Variants in HTRA3 observed in about 807,000 individuals in gnomAD.
HTRA3 encodes the protein serine protease HTRA3.
HTRA3 carries 41 observed loss-of-function variants against 43.2 expected under a neutral mutation model. The observed-to-expected ratio is 0.95, with a 90% confidence interval of 0.74 to 1.23. The LOEUF is 1.23. HTRA3 is among the 50% of genes most tolerant of loss of function. The probability of loss-of-function intolerance (pLI) is 0.00; values close to 1 mark genes in which losing one functional copy is unlikely to be tolerated. For missense variants in HTRA3, 628 were observed against 647.1 expected (o/e 0.97, Z 0.32); for synonymous variants, 295 against 287.9 (o/e 1.02, Z -0.25).
At position 8,297,287 on chromosome 4, in the gene HTRA3, G is replaced by A. The variant is rs1373366949; in HGVS notation, c.1051+3086G>A. On this transcript the variant is annotated intron_variant, in intron 6 of 8. Transcript: ENST00000307358. The surrounding 1 kb of genome is among the most constrained non-coding windows in gnomAD (Gnocchi z 5.8). ...AAGTTCAAGGAGAAGAGGCTTCAGA[G>A]TCCCCTATCCTGAGCACAGTGAGTC... Among the ~76,000 whole-genome samples, 2 of 151,956 alleles carry A rather than the reference G, an allele frequency of 1.3e-5. No individual in the cohort carries two copies. The highest frequency in any genetic ancestry group is 2.9e-5 in the Non-Finnish European group (2 of 68,016).
intron 6 of HTRA3, among the ~76,000 whole-genome samples, chr4:8,299,996 T>C (rs568587789): frequency 3.7e-4 from 57 of 152,204 alleles, no homozygotes; most frequent in Non-Finnish European, 4.0e-4. Flanking sequence ...CCCACGATCA[T>C]GCCCAGCTAA....
At chr4:8,285,762 C>A (rs569481264) in intron 2 of HTRA3, among the ~76,000 whole-genome samples, 1 of 152,230 alleles carries the variant, frequency 6.6e-6, no homozygotes, top group Non-Finnish European at 1.5e-5. Context: ...AGCTCCACAC[C>A]GTTCACAGAG....
intron 1 of HTRA3, among the ~76,000 whole-genome samples, chr4:8,272,116 G>T (rs538133006): frequency 2.0e-5 from 3 of 152,334 alleles, no homozygotes; most frequent in Admixed American, 1.3e-4. Flanking sequence ...TCCCCACCGT[G>T]GAAGGCACTA....
intron 8 of HTRA3, among the ~76,000 whole-genome samples, chr4:8,305,639 T>C (rs549520081): frequency 1.1e-3 from 171 of 152,106 alleles, no homozygotes; most frequent in Non-Finnish European, 2.1e-3. Context: ...GCCTTTATAA[T>C]TTGCAAAGTG....
At chr4:8,292,208 G>C in intron 4 of HTRA3, 113 bp from the exon 5 acceptor site, 1 of 870,126 alleles carries the variant, frequency 1.1e-6, no homozygotes. Context: ...ATGCTGCTGA[G>C]GATGAGACCT....
chr4:8,280,814 G>C (rs1471522467), intron 1 of HTRA3, among the ~76,000 whole-genome samples: 7 of 152,206 alleles, frequency 4.6e-5, no homozygotes. Flanking sequence ...ACGAGGGCTG[G>C]TGTGGTTGGT....
In HTRA3 at chr4:8,296,835, C is replaced by T. The variant is rs1578805429; in HGVS notation, c.1051+2634C>T. Among the ~76,000 whole-genome samples the T allele has an allele frequency of 6.6e-6, 1 of 152,246 alleles. No individual in the cohort carries two copies. Among genetic ancestry groups the T allele is most frequent in the East Asian group, 1.9e-4 (1 of 5,156 alleles). ...CTGTGGCCCACAAGCCAAGGGAGAG[C>T]TGTAGGGAGGGGAGGGGACAGGGAC... is the stretch of plus-strand genomic sequence containing the variant. On this transcript the variant is annotated intron_variant, in intron 6 of 8. Coordinates refer to ENST00000307358, the MANE Select transcript of HTRA3 (RefSeq NM_053044.5). This position sits in a 1 kb window ranked among gnomAD's most constrained non-coding sequence, Gnocchi z 5.3.
intron 7 of HTRA3, 145 bp from the exon 8 acceptor site, chr4:8,304,039 A>G: frequency 1.7e-6 from 1 of 601,744 alleles, no homozygotes; most frequent in South Asian, 2.0e-5. Flanking sequence ...GGGGACACAG[A>G]GTGGCCAGTG....
intron 5 of HTRA3, among the ~76,000 whole-genome samples, chr4:8,293,461 T>C (rs1713320605): frequency 6.6e-6 from 1 of 152,006 alleles, no homozygotes; most frequent in African/African-American, 2.4e-5. Flanking sequence ...GAGGGATCCC[T>C]GGTGAGCTGG....
chr4:8,275,664 C>A (rs1419639216), intron 1 of HTRA3, among the ~76,000 whole-genome samples: 1 of 152,230 alleles, frequency 6.6e-6, no homozygotes, highest in Admixed American at 6.5e-5. Flanking sequence ...GGTCTGAACA[C>A]CTTCCGCCCA....
chr4:8,270,968 C>T (rs891951757), intron 1 of HTRA3, among the ~76,000 whole-genome samples: 17 of 152,200 alleles, frequency 1.1e-4, no homozygotes, highest in African/African-American at 4.1e-4. Flanking sequence ...GAGGAAAATG[C>T]TGGAAAACCT....
chr4:8,289,721 A>AC (rs574581656), intron 3 of HTRA3, among the ~76,000 whole-genome samples: 125 of 152,174 alleles, frequency 8.2e-4, no homozygotes, highest in Non-Finnish European at 1.3e-3. Context: ...AAGGCTCCTG[A>AC]CCCTCACCTG....
intron 7 of HTRA3, 24 bp from the exon 8 acceptor site, chr4:8,304,160 G>T: frequency 6.2e-7 from 1 of 1,600,360 alleles, no homozygotes. Context: ...CAGGGGAGGG[G>T]CCTTGACGGC....
intron 8 of HTRA3, among the ~76,000 whole-genome samples, chr4:8,305,180 C>G (rs911878029): frequency 2.0e-5 from 3 of 152,202 alleles, no homozygotes; most frequent in Non-Finnish European, 2.9e-5. Flanking sequence ...ACAGTTCAGA[C>G]CCATGTTGTT....
chr4:8,278,566 C>A (rs951430452), intron 1 of HTRA3, among the ~76,000 whole-genome samples: 1 of 152,158 alleles, frequency 6.6e-6, no homozygotes, highest in Non-Finnish European at 1.5e-5. Context: ...GTGGGAACCG[C>A]GTCCTCCCTT....
intron 1 of HTRA3, 94 bp downstream of exon 1, chr4:8,270,447 T>C: frequency 1.5e-6 from 2 of 1,303,158 alleles, no homozygotes; most frequent in Non-Finnish European, 2.0e-6. Context: ...CGCCCTTCCC[T>C]GGGCACCACC....
chr4:8,304,119 C>A, intron 7 of HTRA3, 65 bp from the exon 8 acceptor site: 1 of 1,333,084 alleles, frequency 7.5e-7, no homozygotes, highest in Non-Finnish European at 1.1e-6. Context: ...GAGGGAGGGG[C>A]AGCTTCATAC....
intron 2 of HTRA3, among the ~76,000 whole-genome samples, chr4:8,283,713 C>G (rs140907317): frequency 1.3e-5 from 2 of 152,230 alleles, no homozygotes; most frequent in African/African-American, 4.8e-5. Flanking sequence ...GACACGGAGC[C>G]GGCAATGAGC....
chr4:8,306,673 G>T lies in HTRA3; in HGVS notation c.*537G>T, dbSNP rs1472429219. 1 of 152,286 alleles carries T rather than the reference G, an allele frequency of 6.6e-6. No individual in the cohort carries two copies. Among genetic ancestry groups the T allele is most frequent in the African/African-American group, 2.5e-5 (1 of 40,418 alleles). 9.4% of individuals were successfully genotyped at this position (152,286 alleles called of 1,614,324 possible). On this transcript the variant is annotated 3_prime_UTR_variant, in exon 9 of 9. Coordinates refer to ENST00000307358, the MANE Select transcript of HTRA3 (RefSeq NM_053044.5). This position sits in a 1 kb window ranked among gnomAD's most constrained non-coding sequence, Gnocchi z 8.9. Reference sequence around the variant, plus strand: ...CATCTGATCCCTTTGGGGTGCGGGGGTGGGGTCCAGCCCAGAGCAGGCACT... The same window carrying T: ...CATCTGATCCCTTTGGGGTGCGGGGTTGGGGTCCAGCCCAGAGCAGGCACT...
Sources: allele counts gnomAD v4.1 joint callset (sites outside exome capture counted in the v4.1 genomes callset), GRCh38; gene constraint gnomAD v4.1.1; non-coding constraint Gnocchi (gnomAD v3.1); transcripts MANE v1.5; gene names NCBI Gene and HGNC (gene_info 2026-07-23, HGNC 2026-07-21).